CPS1: variants seen among roughly 807,000 people sequenced by gnomAD.
The protein encoded by CPS1 is carbamoyl-phosphate synthase 1.
Under a neutral mutation model 174.6 loss-of-function variants are expected in CPS1, and 109 were observed. That is an observed-to-expected ratio of 0.62 (90% CI 0.53 to 0.73). CPS1 has a LOEUF of 0.73. Among genes scored for constraint, CPS1 ranks in the 30% least tolerant of loss-of-function variants. CPS1 has a pLI of 0.00. For synonymous variants in CPS1, 637 were observed against 632.0 expected, an observed-to-expected ratio of 1.01 and a Z score of -0.12; for missense variants, 1,689 against 1,821.9, an observed-to-expected ratio of 0.93 and a Z score of 1.33.
At chr2:210,658,327 T>C (rs1700790653) in intron 30 of CPS1, 1 of 389,998 alleles carries the variant, frequency 2.6e-6, no homozygotes, top group Admixed American at 3.7e-5. Context: ...AAAACCAGGT[T>C]ATATAATTGT....
chr2:210,617,847 A>G (rs1009489657), intron 21 of CPS1: 3 of 151,938 alleles, frequency 2.0e-5, no homozygotes, highest in African/African-American at 4.8e-5. Flanking sequence ...CTTCTGTGTA[A>G]AATTATAGTC....
intron 13 of CPS1, 75 bp from the exon 14 acceptor site, chr2:210,599,297 G>A: frequency 7.2e-7 from 1 of 1,389,892 alleles, no homozygotes; most frequent in East Asian, 2.3e-5. Context: ...GTTACCCCAT[G>A]TCTTTTTATT....
intron 34 of CPS1, chr2:210,671,540 C>A (rs16844781): frequency 6.6e-6 from 1 of 152,092 alleles, no homozygotes; most frequent in Non-Finnish European, 1.5e-5. Context: ...TACTTTTCAC[C>A]TTTCGTAACA....
chr2:210,660,198 G>C (rs1700870637), intron 31 of CPS1, among the ~76,000 whole-genome samples: 2 of 152,108 alleles, frequency 1.3e-5, no homozygotes, highest in Admixed American at 6.6e-5. Context: ...TCCAGTGAAG[G>C]TTTTCAGGAG....
intron 1 of CPS1, among the ~76,000 whole-genome samples, chr2:210,530,544 T>C (rs531295954): frequency 2.2e-4 from 33 of 152,238 alleles, no homozygotes; most frequent in African/African-American, 7.7e-4. Context: ...TTTTCAACAC[T>C]GTAAACTCAT....
rs1421222998 is a variant in CPS1 at position 210,592,974 on chromosome 2, G to T, written c.1164+18G>T. On this transcript the variant is annotated intron_variant, in intron 11 of 37. Coordinates refer to ENST00000233072, the MANE Select transcript of CPS1 (RefSeq NM_001875.5). ...ACACTGAGGTACGTCAAAAAGATGA[G>T]GCCTATTATGTATGCAAAAAAAAAA... 6.2e-7 allele frequency: 1 copy of T among 1,604,252 alleles called. No individual in the cohort carries two copies. The highest frequency in any genetic ancestry group is 8.5e-7 in the Non-Finnish European group (1 of 1,171,926).
In CPS1 at chr2:210,545,352, T is replaced by G. The variant is rs562736190; in HGVS notation, c.4-11367T>G. ...TTCTGATAAGGAGTTCTGGAGAAAT[T>G]TTATTATTCCTGAGTTTTAAACCCG... On this transcript the variant is annotated intron_variant, in intron 1 of 38. Coordinates refer to the CPS1 transcript ENST00000430249. Among the ~76,000 whole-genome samples, 6 of 152,158 alleles carry G rather than the reference T, an allele frequency of 3.9e-5. No individual in the cohort carries two copies. The East Asian group carries it at 9.7e-4, about 25-fold the overall frequency.
At chr2:210,604,825 T>TA (rs1698851263) in intron 16 of CPS1, 1 of 400,904 alleles carries the variant, frequency 2.5e-6, no homozygotes, top group Non-Finnish European at 4.6e-6. Context: ...ATTGCTCAAT[T>TA]ATTTTCTCTT....
intron 1 of CPS1, chr2:210,519,715 T>A (rs953146808): frequency 1.0e-6 from 1 of 984,368 alleles, no homozygotes; most frequent in Non-Finnish European, 1.2e-6. Context: ...CAATTGAAAC[T>A]TTAGTTCAAA....
intron 19 of CPS1, among the ~76,000 whole-genome samples, chr2:210,608,844 C>T (rs1236027678): frequency 6.6e-6 from 1 of 151,892 alleles, no homozygotes; most frequent in East Asian, 1.9e-4. Context: ...TATAGATACA[C>T]ATATGAAAAC....
At chr2:210,569,045 T>C (rs1697394033) in intron 1 of CPS1, among the ~76,000 whole-genome samples, 1 of 152,104 alleles carries the variant, frequency 6.6e-6, no homozygotes, top group African/African-American at 2.4e-5. Flanking sequence ...CAGTTGATTA[T>C]CTGACTAAAG....
In CPS1 at chr2:210,600,637, G is replaced by A. The variant is rs755530984; in HGVS notation, c.1632G>A (p.Thr544=). The change falls in exon 15 of 38, where the codon ACG becomes ACA. Residue 544 remains threonine, a synonymous_variant. Coordinates refer to ENST00000233072, the MANE Select transcript of CPS1 (RefSeq NM_001875.5). ...LGTSVESIMA[T]EDRQLFSDKL... Reference sequence around the variant, plus strand: ...CTTCAGTTGAGTCCATTATGGCTACGGAAGACAGGCAGCTGTTTTCAGATA... The same window carrying A: ...CTTCAGTTGAGTCCATTATGGCTACAGAAGACAGGCAGCTGTTTTCAGATA... 4.4e-5 allele frequency: 71 copies of A among 1,612,204 alleles called. 1 individual carries two copies. The highest frequency in any genetic ancestry group is 2.5e-4 in the South Asian group (23 of 91,040).
At chr2:210,591,769 T>C (rs1698307543) in intron 9 of CPS1, 62 bp from the exon 10 acceptor site, 3 of 1,552,892 alleles carry the variant, frequency 1.9e-6, no homozygotes, top group Non-Finnish European at 2.7e-6. Flanking sequence ...TTATAAGGAA[T>C]ACATTTATAT....
At chr2:210,583,685 A>C (rs894759133) in intron 6 of CPS1, among the ~76,000 whole-genome samples, 3 of 152,154 alleles carry the variant, frequency 2.0e-5, no homozygotes, top group African/African-American at 7.2e-5. Context: ...AGGGGTTCAC[A>C]CCTATTGGTT....
chr2:210,537,817 T>A (rs957590475), intron 1 of CPS1, among the ~76,000 whole-genome samples: 1 of 152,204 alleles, frequency 6.6e-6, no homozygotes, highest in Non-Finnish European at 1.5e-5. Context: ...AGACATGTGC[T>A]GTTTCCTCTT....
chr2:210,561,161 A>T (rs1281821722), intron 1 of CPS1, among the ~76,000 whole-genome samples: 1 of 152,142 alleles, frequency 6.6e-6, no homozygotes, highest in Non-Finnish European at 1.5e-5. Flanking sequence ...TTCTTGACAT[A>T]AAACTCTTGA....
intron 9 of CPS1, 74 bp from the exon 10 acceptor site, chr2:210,591,757 C>G: frequency 6.5e-7 from 1 of 1,529,642 alleles, no homozygotes; most frequent in Non-Finnish European, 9.0e-7. Context: ...TTGTTCACTA[C>G]TTTATAAGGA....
intron 1 of CPS1, among the ~76,000 whole-genome samples, chr2:210,482,522 C>T (rs75635771): frequency 0.047 from 7,164 of 151,910 alleles, 559 homozygotes; most frequent in African/African-American, 0.16. Context: ...CAGGCTGATC[C>T]GCCTGGCCAA....
At chr2:210,600,458 G>A in intron 14 of CPS1, 97 bp from the exon 15 acceptor site, 1 of 1,254,206 alleles carries the variant, frequency 8.0e-7, no homozygotes, top group Admixed American at 1.8e-5. Context: ...TAACTTCTCG[G>A]ATTTTAAGAT....
Sources: allele counts gnomAD v4.1 joint callset (sites outside exome capture counted in the v4.1 genomes callset), GRCh38; gene constraint gnomAD v4.1.1; transcripts MANE v1.5; gene names NCBI Gene and HGNC (gene_info 2026-07-23, HGNC 2026-07-21).